The following POLD1 variants were observed in gnomAD, a reference collection of about 807,000 sequenced individuals.
POLD1 encodes the protein DNA polymerase delta catalytic subunit.
In POLD1, 79 loss-of-function variants were observed where a neutral mutation model predicts 129.7. The observed-to-expected ratio is 0.61, with a 90% CI of 0.51 to 0.73. The LOEUF (loss-of-function observed/expected upper bound fraction) is 0.73, where lower values mean the gene tolerates loss of function less well. Ranked by LOEUF, POLD1 falls within the 30% of genes least tolerant of loss-of-function variation. The pLI is 0.00. For synonymous variants in POLD1, 714 were observed against 683.3 expected (o/e 1.04, Z -0.70); for missense variants, 1,338 against 1,595.8 (o/e 0.84, Z 2.75).
chr19:50,401,734 G>A, intron 3 of POLD1, 44 bp from the exon 4 acceptor site: 10 of 1,604,498 alleles, frequency 6.2e-6, no homozygotes, highest in Non-Finnish European at 8.5e-6. Context: ...CACCTTGGAG[G>A]ACCCTGAGAG....
In POLD1 at chr19:50,413,528, GGCT is replaced by G; in HGVS notation, c.2250+10_2250+12del. On this transcript the variant is annotated splice_region_variant and intron_variant, in intron 18 of 26. Coordinates refer to ENST00000440232, the MANE Select transcript of POLD1 (RefSeq NM_002691.4). ...CTACAGCACCAGTGCCAAGGTCGGGGGCTGCCCACCGCTGCCCTGAGATGGGCC... is the reference window on the plus strand; with the variant it reads ...CTACAGCACCAGTGCCAAGGTCGGGGGCCCACCGCTGCCCTGAGATGGGCC... The G allele has an allele frequency of 6.2e-7, 1 of 1,602,256 alleles. No individual in the cohort carries two copies. The highest frequency in any genetic ancestry group is 8.5e-7 in the Non-Finnish European group (1 of 1,173,590).
In POLD1 at chr19:50,409,214, A is replaced by C; in HGVS notation, c.1985A>C (p.Asn662Thr). The C allele has an allele frequency of 6.2e-7, 1 of 1,612,268 alleles. No individual in the cohort carries two copies. Among genetic ancestry groups the C allele is most frequent in the Non-Finnish European group, 8.5e-7 (1 of 1,178,468 alleles). The change falls in exon 16 of 27, where the codon AAC (asparagine) becomes ACC (threonine). Residue 662 changes from asparagine to threonine, a missense_variant. Around this residue, in one of 3 missense-constraint regions of POLD1, gnomAD observed 720 missense variants for 1,002.6 expected, o/e 0.72. Transcript: ENST00000440232. The surrounding 1 kb of genome is among the most constrained non-coding windows in gnomAD (Gnocchi z 5.8). Reference protein sequence around the residue: ...RKGLLPQILENLLSARKRAKA... With the variant: ...RKGLLPQILETLLSARKRAKA... ...GGGCTGCTGCCCCAGATCCTGGAGA[A>C]CCTGCTCAGTGCCCGGAAGAGGTGA...
At chr19:50,399,221 C>G in intron 2 of POLD1, 150 bp from the exon 3 acceptor site, 1 of 1,158,342 alleles carries the variant, frequency 8.6e-7, no homozygotes, top group Admixed American at 2.1e-5. Flanking sequence ...TACAGTGATT[C>G]TGGCCCTGAC....
In POLD1 at chr19:50,417,301, C is replaced by G. The variant is rs2463238; in HGVS notation, c.3218+32C>G. 13 of 1,466,656 alleles carry G rather than the reference C, an allele frequency of 8.9e-6. No homozygotes were observed. In the African/African-American group the frequency reaches 1.1e-4, roughly 13 times the overall value. The allele number at this position is 1,466,656 out of a possible 1,614,324, so 90.9% of individuals were successfully genotyped here. ...GCCATGTCCCGACCCTGGGCTGCCC[C>G]GCCCCTTCCCAGCTCCCAGGCCTGT... On this transcript the variant is annotated intron_variant, in intron 26 of 26. Coordinates refer to ENST00000440232, the MANE Select transcript of POLD1 (RefSeq NM_002691.4).
chr19:50,414,714 ACTGCGT>A (rs2039210158), intron 19 of POLD1, 95 bp from the exon 20 acceptor site: 1 of 984,936 alleles, frequency 1.0e-6, no homozygotes, highest in South Asian at 2.0e-5. Flanking sequence ...ATGTCCTCAA[ACTGCGT>A]CTGGGACCCT....
rs2039021984 is a variant in POLD1, at chr19:50,409,583, C to T, written c.2071C>T (p.Leu691=). 1 of 1,613,402 alleles carries T rather than the reference C, an allele frequency of 6.2e-7. No individual in the cohort carries two copies. The highest frequency in any genetic ancestry group is 1.1e-5 in the South Asian group (1 of 91,082). Residue 691 remains leucine, a synonymous_variant, in exon 17 of 27, where the codon CTG becomes TTG. Coordinates refer to ENST00000440232, the MANE Select transcript of POLD1 (RefSeq NM_002691.4). This position sits in a 1 kb window ranked among gnomAD's most constrained non-coding sequence, Gnocchi z 5.8. ...LRRQVLDGRQ[L]ALKVSANSVY... ...GCGCCAGGTCCTGGATGGACGGCAGCTGGCGCTGAAGGTGAGCGCCAACTC... is the reference window on the plus strand; with the variant it reads ...GCGCCAGGTCCTGGATGGACGGCAGTTGGCGCTGAAGGTGAGCGCCAACTC...
chr19:50,389,911 G>GT (rs565529491), intron 1 of POLD1, among the ~76,000 whole-genome samples: 3,009 of 136,796 alleles, frequency 0.022, 34 homozygotes, highest in African/African-American at 0.034. Context: ...TTTTTGTTTT[G>GT]TTTTTTTTTT....
In POLD1 at chr19:50,414,881, G is replaced by A. The variant is rs372947760; in HGVS notation, c.2455G>A (p.Asp819Asn). The A allele has an allele frequency of 6.8e-6, 11 of 1,606,858 alleles. No homozygotes were observed. In the African/African-American group the frequency reaches 1.2e-4, roughly 18 times the overall value. Residue 819 changes from aspartate (D) to asparagine (N), a missense_variant, in exon 20 of 27, where the codon GAC becomes AAC. Coordinates refer to ENST00000440232, the MANE Select transcript of POLD1 (RefSeq NM_002691.4). The part of the protein sequence containing the change: ...YAGLLFSSRP[D>N]AHDRMDCKGL... ...GGGCCTGCTCTTCTCCTCCCGGCCCGACGCCCACGACCGCATGGACTGCAA... is the reference window on the plus strand; with the variant it reads ...GGGCCTGCTCTTCTCCTCCCGGCCCAACGCCCACGACCGCATGGACTGCAA...
intron 1 of POLD1, among the ~76,000 whole-genome samples, chr19:50,387,498 A>G (rs1233048133): frequency 6.6e-6 from 1 of 152,138 alleles, no homozygotes; most frequent in East Asian, 1.9e-4. Flanking sequence ...GCCAGGGCCA[A>G]TGAGAGGGGA....
At position 50,409,090 on chromosome 19, in the gene POLD1, G is replaced by T; in HGVS notation, c.1893-32G>T. On this transcript the variant is annotated intron_variant, in intron 15 of 26. Transcript: ENST00000440232. The surrounding 1 kb of genome is among the most constrained non-coding windows in gnomAD (Gnocchi z 5.8). ...AGAGGTGGGCTGGAGCAGGAGGGTG[G>T]CCGGCAGTCACCCCAACATCTTCCA... The T allele has an allele frequency of 6.7e-7, 1 of 1,497,740 alleles. No individual in the cohort carries two copies. The highest frequency in any genetic ancestry group is 1.7e-5 in the Admixed American group (1 of 59,648). 92.8% of individuals were successfully genotyped at this position (1,497,740 alleles called of 1,614,324 possible).
intron 1 of POLD1, 128 bp from the exon 2 acceptor site, chr19:50,398,723 C>G: frequency 7.0e-7 from 1 of 1,434,588 alleles, no homozygotes; most frequent in Non-Finnish European, 9.3e-7. Context: ...GTGCAGAGAG[C>G]TATGTTAGTA....
chr19:50,403,393 C>A, intron 9 of POLD1, 100 bp from the exon 10 acceptor site: 2 of 1,166,102 alleles, frequency 1.7e-6, no homozygotes, highest in Admixed American at 1.8e-5. Flanking sequence ...CTGGGTTCTG[C>A]AGGATTTTCA....
chr19:50,390,783 G>C (rs998702883), intron 1 of POLD1, among the ~76,000 whole-genome samples: 140 of 152,050 alleles, frequency 9.2e-4, no homozygotes, highest in African/African-American at 3.0e-3. Context: ...TGACTCTTAA[G>C]GAGCATGCTG....
chr19:50,385,275 CA>C (rs2037931412), intron 1 of POLD1, among the ~76,000 whole-genome samples: 2 of 152,094 alleles, frequency 1.3e-5, no homozygotes, highest in Admixed American at 6.6e-5. Context: ...CGGGCGGAGA[CA>C]GGGGGACTGG....
At chr19:50,413,927 T>C (rs1315837456) in intron 19 of POLD1, 48 bp downstream of exon 19, 3 of 1,521,670 alleles carry the variant, frequency 2.0e-6, no homozygotes, top group Non-Finnish European at 2.7e-6. Context: ...CTCATCAGGG[T>C]ACTCAGGGTG....
At chr19:50,385,930 G>C (rs2123697543) in intron 1 of POLD1, among the ~76,000 whole-genome samples, 1 of 151,962 alleles carries the variant, frequency 6.6e-6, no homozygotes, top group South Asian at 2.1e-4. Context: ...ATGTGTTTCT[G>C]ACAGCTGCTG....
intron 1 of POLD1, among the ~76,000 whole-genome samples, chr19:50,385,588 G>T (rs2037942508): frequency 6.6e-6 from 1 of 150,658 alleles, no homozygotes; most frequent in Non-Finnish European, 1.5e-5. Context: ...GAATGCAGTG[G>T]TGCAAACTCA....
chr19:50,384,759 G>A (rs1383319192), intron 1 of POLD1, among the ~76,000 whole-genome samples: 2 of 152,234 alleles, frequency 1.3e-5, no homozygotes, highest in Non-Finnish European at 2.9e-5. Context: ...AGTCAGAGAA[G>A]TCCCTGTCTC....
At chr19:50,391,080 T>C (rs571942489) in intron 1 of POLD1, among the ~76,000 whole-genome samples, 2,788 of 148,576 alleles carry the variant, frequency 0.019, 81 homozygotes, top group African/African-American at 0.07. Context: ...AATGAGCTGC[T>C]GGGTACACCT....
Sources: gnomAD v4.1 joint callset for allele counts (sites outside exome capture counted in the v4.1 genomes callset) on GRCh38, gnomAD v4.1.1 for gene constraint, gnomAD v4.1.1 regional missense constraint, Gnocchi (gnomAD v3.1) non-coding constraint, MANE v1.5 for transcripts, NCBI Gene and HGNC (gene_info 2026-07-23, HGNC 2026-07-21) for gene names.